Variants in FAM178B observed in about 807,000 individuals in gnomAD.
The protein encoded by FAM178B is protein FAM178B.
Under a neutral mutation model 91.7 loss-of-function variants are expected in FAM178B, and 82 were observed. The ratio of observed to expected loss-of-function variants is 0.89; its 90% CI spans 0.75 to 1.07. The LOEUF (loss-of-function observed/expected upper bound fraction) is 1.07, where lower values mean the gene tolerates loss of function less well. Among genes scored for constraint, FAM178B ranks in the 50% least tolerant of loss-of-function variants. FAM178B has a pLI of 0.00. For missense variants in FAM178B, 769 were observed against 846.7 expected, an observed-to-expected ratio of 0.91 and a Z score of 1.14; for synonymous variants, 368 against 359.4, an observed-to-expected ratio of 1.02 and a Z score of -0.27.
intron 12 of FAM178B, among the ~76,000 whole-genome samples, chr2:96,909,809 T>A (rs561932650): frequency 6.6e-6 from 1 of 152,350 alleles, no homozygotes; most frequent in African/African-American, 2.4e-5. Flanking sequence ...GTTGTATTCA[T>A]GTCATCTGTG....
At chr2:96,895,049 A>G (rs1472748850) in intron 13 of FAM178B, 1 of 1,288,616 alleles carries the variant, frequency 7.8e-7, no homozygotes, top group African/African-American at 1.5e-5. Flanking sequence ...TAAGTCCCCA[A>G]CAGTCCATCA....
intron 1 of FAM178B, among the ~76,000 whole-genome samples, chr2:96,981,182 T>C (rs1224265686): frequency 6.6e-6 from 1 of 152,120 alleles, no homozygotes; most frequent in Admixed American, 6.5e-5. Context: ...TCTGGGCTAG[T>C]CTCGAACTCC....
intron 10 of FAM178B, among the ~76,000 whole-genome samples, chr2:96,923,264 T>A (rs1269778918): frequency 6.6e-6 from 1 of 152,224 alleles, no homozygotes; most frequent in East Asian, 1.9e-4. Flanking sequence ...TGAGCCACCA[T>A]GCCTGGCCCC....
intron 6 of FAM178B, among the ~76,000 whole-genome samples, chr2:96,956,150 C>G (rs768337877): frequency 6.6e-6 from 1 of 152,232 alleles, no homozygotes; most frequent in Non-Finnish European, 1.5e-5. Flanking sequence ...CTTCCGCCCC[C>G]GAGTGGGATG....
intron 9 of FAM178B, among the ~76,000 whole-genome samples, chr2:96,924,407 C>A (rs1188763800): frequency 6.6e-6 from 1 of 152,242 alleles, no homozygotes; most frequent in Non-Finnish European, 1.5e-5. Flanking sequence ...GCTGATAAGA[C>A]CTGCATGGCC....
intron 4 of FAM178B, among the ~76,000 whole-genome samples, chr2:96,969,183 G>C (rs1221187592): frequency 6.6e-6 from 1 of 152,230 alleles, no homozygotes; most frequent in African/African-American, 2.4e-5. Context: ...CCAGAGCCTG[G>C]CATGGTGCAG....
At chr2:96,975,808 T>C (rs944529868) in intron 1 of FAM178B, among the ~76,000 whole-genome samples, 9 of 152,336 alleles carry the variant, frequency 5.9e-5, no homozygotes, top group African/African-American at 1.9e-4. Context: ...CACTTTCCAG[T>C]TTCAGCTAAC....
intron 14 of FAM178B, 79 bp from the exon 15 acceptor site, chr2:96,878,572 C>G: frequency 7.4e-7 from 1 of 1,358,036 alleles, no homozygotes; most frequent in Non-Finnish European, 1.0e-6. Flanking sequence ...TGCACACTCC[C>G]CACTCTCAGG....
chr2:96,949,979 G>C, intron 7 of FAM178B: 1 of 985,696 alleles, frequency 1.0e-6, no homozygotes, highest in Non-Finnish European at 1.2e-6. Flanking sequence ...AAGTCTGTCT[G>C]TCTGACCTCA....
rs1485972806 is a variant in FAM178B at position 96,947,868 on chromosome 2, G to A, written c.1028C>T (p.Ala343Val). The change falls in exon 8 of 17, where the codon GCC becomes GTC. Residue 343 changes from alanine to valine, a missense_variant. Physicochemically the swap from Ala to Val is moderately conservative, Grantham distance 64. Transcript: ENST00000490605. ...LTWPPETSLG[A>V]FGLLWDLIVD... is the part of the protein sequence containing the mutation. ...AATGAGATCCCACAGAAGACCAAAG[G>A]CTCCCAAAGATGTTTCTGGAGGCCA... The A allele has an allele frequency of 1.9e-6, 3 of 1,548,680 alleles. No homozygotes were observed. The highest frequency in any genetic ancestry group is 1.7e-4 in the Middle Eastern group (1 of 5,988).
At chr2:96,933,944 C>T (rs1418376959) in intron 8 of FAM178B, among the ~76,000 whole-genome samples, 1 of 152,224 alleles carries the variant, frequency 6.6e-6, no homozygotes, top group Non-Finnish European at 1.5e-5. Context: ...TTCATATCCT[C>T]CCAAATCTAA....
chr2:96,943,832 T>C (rs1483909593), intron 8 of FAM178B, among the ~76,000 whole-genome samples: 1 of 152,142 alleles, frequency 6.6e-6, no homozygotes, highest in African/African-American at 2.4e-5. Flanking sequence ...ACCCTGATAC[T>C]CCGCCCAAAG....
intron 14 of FAM178B, among the ~76,000 whole-genome samples, chr2:96,883,348 G>A (rs191057176): frequency 1.5e-4 from 23 of 152,342 alleles, no homozygotes; most frequent in African/African-American, 5.5e-4. Flanking sequence ...CCAAGGGAGC[G>A]GGCTGTGGCC....
At chr2:96,932,540 G>C (rs2081557504) in intron 8 of FAM178B, among the ~76,000 whole-genome samples, 1 of 152,228 alleles carries the variant, frequency 6.6e-6, no homozygotes, top group African/African-American at 2.4e-5. Flanking sequence ...AGGAAACTCA[G>C]ATGTCAGGCT....
intron 5 of FAM178B, among the ~76,000 whole-genome samples, chr2:96,963,794 C>T (rs2082111937): frequency 6.6e-6 from 1 of 152,240 alleles, no homozygotes; most frequent in Non-Finnish European, 1.5e-5. Flanking sequence ...GCAGAGTTGA[C>T]AGAGACCACC....
At chr2:96,933,173 G>A (rs926139860) in intron 8 of FAM178B, among the ~76,000 whole-genome samples, 5 of 152,206 alleles carry the variant, frequency 3.3e-5, no homozygotes, top group African/African-American at 1.2e-4. Flanking sequence ...AACCCAGGAG[G>A]TGGAGGTTGC....
chr2:96,928,426 A>C lies in FAM178B; in HGVS notation c.1193+780T>G, dbSNP rs375682806. On this transcript the variant is annotated intron_variant, in intron 9 of 16. Transcript: ENST00000490605. ...TCACGTGGCACTCCTCCCCACAGGCAGGGACCAGGCATAGGCAAATGATCA... is the reference window on the plus strand; with the variant it reads ...TCACGTGGCACTCCTCCCCACAGGCCGGGACCAGGCATAGGCAAATGATCA... Among the ~76,000 whole-genome samples the C allele has an allele frequency of 1.3e-4, 20 of 152,192 alleles. No homozygotes were observed. The East Asian group carries it at 3.7e-3, about 28-fold the overall frequency.
intron 8 of FAM178B, among the ~76,000 whole-genome samples, chr2:96,934,741 C>A (rs2081596946): frequency 6.6e-6 from 1 of 152,022 alleles, no homozygotes; most frequent in Non-Finnish European, 1.5e-5. Context: ...GGCTCTTTTC[C>A]AGATCTGCAC....
chr2:96,876,930 C>T (rs1014092866), intron 16 of FAM178B, among the ~76,000 whole-genome samples: 2 of 152,094 alleles, frequency 1.3e-5, no homozygotes, highest in Admixed American at 6.5e-5. Flanking sequence ...AGGTCAGAGG[C>T]TTGGGAGTCA....
Sources: gnomAD v4.1 joint callset for allele counts (sites outside exome capture counted in the v4.1 genomes callset) on GRCh38, gnomAD v4.1.1 for gene constraint, MANE v1.5 for transcripts, NCBI Gene and HGNC (gene_info 2026-07-23, HGNC 2026-07-21) for gene names.